CALHM6: variants seen among roughly 807,000 people sequenced by gnomAD.
CALHM6 encodes the protein calcium homeostasis modulator protein 6.
A neutral mutation model predicts 12.7 loss-of-function variants in CALHM6; 15 were observed. The ratio of observed to expected loss-of-function variants is 1.18; its 90% CI spans 0.79 to 1.82. CALHM6 has a LOEUF of 1.82. CALHM6 is among the 40% of genes most tolerant of loss of function. CALHM6 has a pLI of 0.00. For synonymous variants in CALHM6, 212 were observed against 193.7 expected, an observed-to-expected ratio of 1.09 and a Z score of -0.78; for missense variants, 434 against 421.0, an observed-to-expected ratio of 1.03 and a Z score of -0.27.
rs766910203 is a variant in CALHM6 at position 116,462,354 on chromosome 6, G to A, written c.425G>A (p.Arg142His). 4.8e-6 allele frequency: 7 copies of A among 1,450,430 alleles called. No homozygotes were observed. Among genetic ancestry groups the A allele is most frequent in the Admixed American group, 2.7e-5 (1 of 36,804 alleles). 89.8% of individuals were successfully genotyped at this position (1,450,430 alleles called of 1,614,324 possible). The change falls in exon 2 of 3, where the codon CGC becomes CAC. Residue 142 changes from arginine (R) to histidine (H), a missense_variant. Coordinates refer to ENST00000368605, the MANE Select transcript of CALHM6 (RefSeq NM_001010919.3). Reference protein sequence around the residue: ...AAFAQRLCLGRNRSCAAELPL... With the variant: ...AAFAQRLCLGHNRSCAAELPL... ...TTCGCGCAGCGCCTGTGCCTCGGCC[G>A]CAACCGCAGCTGCGCCGCGGAGCTG...
chr6:116,462,388 G>GCCGTGCA lies in CALHM6; in HGVS notation c.460_466dup (p.Asn156ThrfsTer50). ...GCTGCGCCGCGGAGCTGCCGCTGGT[G>GCCGTGCA]CCGTGCAACCAGGCCAAGGCGTCGG... is the stretch of plus-strand genomic sequence containing the variant. On this transcript the variant is annotated frameshift_variant, in exon 2 of 3. Transcript: ENST00000368605. LOFTEE classifies it high-confidence loss of function. The GCCGTGCA allele has an allele frequency of 6.8e-7, 1 of 1,471,552 alleles. No individual in the cohort carries two copies. Among genetic ancestry groups the GCCGTGCA allele is most frequent in the Non-Finnish European group, 9.0e-7 (1 of 1,114,082 alleles). 91.2% of individuals were successfully genotyped at this position (1,471,552 alleles called of 1,614,324 possible).
rs1382417985 is a variant in CALHM6, at chr6:116,461,384, G to A, written c.-104G>A. The A allele has an allele frequency of 6.5e-7, 1 of 1,549,410 alleles. No homozygotes were observed. The highest frequency in any genetic ancestry group is 2.0e-5 in the Admixed American group (1 of 50,996). Reference sequence around the variant, plus strand: ...ACTTGAGCTGGACTTTGCTGATTTAGCTTATGGAAGAGGAACCAGAAATTT... The same window carrying A: ...ACTTGAGCTGGACTTTGCTGATTTAACTTATGGAAGAGGAACCAGAAATTT... On this transcript the variant is annotated 5_prime_UTR_variant, in exon 1 of 3. Transcript: ENST00000368605.
rs775332858 is a variant in CALHM6 at position 116,461,944 on chromosome 6, GGCGGTGCTGGACCTGC to G, written c.16_31del (p.Ala6ThrfsTer13). On this transcript the variant is annotated frameshift_variant, in exon 2 of 3. Transcript: ENST00000368605. LOFTEE classifies it high-confidence loss of function. Reference sequence around the variant, plus strand: ...GGACGAGGCTCATGGAGAAGTTTCGGGCGGTGCTGGACCTGCACGTCAAGCACCACAGCGCCTTGGG... The same window carrying G: ...GGACGAGGCTCATGGAGAAGTTTCGGACGTCAAGCACCACAGCGCCTTGGG... The G allele has an allele frequency of 6.3e-5, 95 of 1,518,524 alleles. 1 individual carries two copies. The highest frequency in any genetic ancestry group is 2.7e-6 in the Non-Finnish European group (3 of 1,126,732). 94.1% of individuals were successfully genotyped at this position (1,518,524 alleles called of 1,614,324 possible).
rs201709497 is a variant in CALHM6 at position 116,463,727 on chromosome 6, A to G, written c.*22A>G. ...ATGACCTTTTGAATGAGTAGAAAAA[A>G]AAATTGTTTTGAATTATTGCTTTAT... On this transcript the variant is annotated 3_prime_UTR_variant, in exon 3 of 3. Coordinates refer to ENST00000368605, the MANE Select transcript of CALHM6 (RefSeq NM_001010919.3). The G allele has an allele frequency of 1.2e-4, 172 of 1,482,478 alleles. No homozygotes were observed. Among genetic ancestry groups the G allele is most frequent in the Middle Eastern group, 7.2e-4 (4 of 5,566 alleles). 91.8% of individuals were successfully genotyped at this position (1,482,478 alleles called of 1,614,324 possible).
At chr6:116,461,543 G>C (rs1186906520) in intron 1 of CALHM6, 114 bp downstream of exon 1, 1 of 1,028,340 alleles carries the variant, frequency 9.7e-7, no homozygotes, top group Non-Finnish European at 1.5e-6. Context: ...ACTGGCGGCC[G>C]TGGGTCAAGA....
intron 2 of CALHM6, 38 bp from the exon 3 acceptor site, chr6:116,463,245 C>G (rs1339100826): frequency 6.5e-7 from 1 of 1,540,772 alleles, no homozygotes; most frequent in South Asian, 1.2e-5. Context: ...TGTAAAAAAC[C>G]AAGTAACTAA....
At position 116,463,450 on chromosome 6, in the gene CALHM6, A is replaced by G; in HGVS notation, c.693A>G (p.Glu231=). 1.2e-6 allele frequency: 2 copies of G among 1,614,196 alleles called. No homozygotes were observed. Among genetic ancestry groups the G allele is most frequent in the South Asian group, 1.1e-5 (1 of 91,090 alleles). The change falls in exon 3 of 3, where the codon GAA becomes GAG. Residue 231 remains glutamate, a synonymous_variant. Coordinates refer to ENST00000368605, the MANE Select transcript of CALHM6 (RefSeq NM_001010919.3). ...LKSKATEHAT[E]LAKENIKCFF... is the part of the protein sequence containing the mutation. ...GTAAAGCCACAGAGCATGCAACTGA[A>G]TTGGCAAAAGAGAATATTAAATGTT...
chr6:116,461,446 T>G lies in CALHM6; in HGVS notation c.-59+17T>G, dbSNP rs556599927. On this transcript the variant is annotated intron_variant, in intron 1 of 2. Coordinates refer to ENST00000368605, the MANE Select transcript of CALHM6 (RefSeq NM_001010919.3). Reference sequence around the variant, plus strand: ...ATGTTTCCCGTAAGTAATCAGTTTTTTGATAATTATTTGGTTTTACTGTGA... The same window carrying G: ...ATGTTTCCCGTAAGTAATCAGTTTTGTGATAATTATTTGGTTTTACTGTGA... The G allele has an allele frequency of 3.3e-4, 505 of 1,549,632 alleles. 10 individuals carry two copies. The South Asian group carries it at 5.7e-3, about 17-fold the overall frequency.
At chr6:116,463,194 G>T in intron 2 of CALHM6, 89 bp from the exon 3 acceptor site, 1 of 1,260,936 alleles carries the variant, frequency 7.9e-7, no homozygotes, top group Non-Finnish European at 1.1e-6. Flanking sequence ...CATCATAACT[G>T]GCGAGTAGTT....
intron 2 of CALHM6, 96 bp from the exon 3 acceptor site, chr6:116,463,187 C>G: frequency 8.2e-7 from 1 of 1,214,018 alleles, no homozygotes; most frequent in South Asian, 1.5e-5. Context: ...TGTTCATCAT[C>G]ATAACTGGCG....
At chr6:116,462,941 A>G (rs573759824) in intron 2 of CALHM6, among the ~76,000 whole-genome samples, 42 of 152,360 alleles carry the variant, frequency 2.8e-4, no homozygotes, top group African/African-American at 9.9e-4. Context: ...CTGGCTCTAA[A>G]GCCACCACTG....
rs1784793105 is a variant in CALHM6 at position 116,462,322 on chromosome 6, C to T, written c.393C>T (p.Ser131=). The T allele has an allele frequency of 7.0e-7, 1 of 1,435,566 alleles. No homozygotes were observed. The highest frequency in any genetic ancestry group is 1.4e-5 in the South Asian group (1 of 70,844). 88.9% of individuals were successfully genotyped at this position (1,435,566 alleles called of 1,614,324 possible). A position where few individuals can be genotyped will look rare whatever the true frequency, so the allele number is the denominator to read the frequency against. Reference sequence around the variant, plus strand: ...TTTACGAGTGCGCGGCCACCGGGAGCGCGGCCTTCGCGCAGCGCCTGTGCC... The same window carrying T: ...TTTACGAGTGCGCGGCCACCGGGAGTGCGGCCTTCGCGCAGCGCCTGTGCC... ...GAFYECAATG[S]AAFAQRLCLG... The change falls in exon 2 of 3, where the codon AGC becomes AGT. Residue 131 remains serine, a synonymous_variant. Transcript: ENST00000368605.
chr6:116,462,302 G>T lies in CALHM6; in HGVS notation c.373G>T (p.Glu125Ter), dbSNP rs760961107. ...GGCGCTGCTCGGGGGCGCCTTTTAC[G>T]AGTGCGCGGCCACCGGGAGCGCGGC... ...AVALLGGAFY[E>*]CAATGSAAFA... Residue 125 changes from glutamate (E) to a stop codon, truncating the protein, a stop_gained, in exon 2 of 3, where the codon GAG becomes TAG. Transcript: ENST00000368605. LOFTEE classifies it high-confidence loss of function. 2 of 1,426,108 alleles carry T rather than the reference G, an allele frequency of 1.4e-6. No homozygotes were observed. The highest frequency in any genetic ancestry group is 1.5e-5 in the African/African-American group (1 of 66,830). 88.3% of individuals were successfully genotyped at this position (1,426,108 alleles called of 1,614,324 possible). A position where few individuals can be genotyped will look rare whatever the true frequency, so the allele number is the denominator to read the frequency against.
chr6:116,462,508 C>G, intron 2 of CALHM6, 54 bp downstream of exon 2: 1 of 1,341,152 alleles, frequency 7.5e-7, no homozygotes, highest in Non-Finnish European at 1.0e-6. Context: ...CGAGCTTTCT[C>G]AGGGCCGCTG....
Position 116,463,728 on chromosome 6 carries a change from A to G in CALHM6, c.*23A>G, listed in dbSNP as rs746998400. The G allele has an allele frequency of 2.0e-6, 3 of 1,481,058 alleles. No individual in the cohort carries two copies. In the African/African-American group the frequency reaches 4.2e-5, roughly 21 times the overall value. The allele number at this position is 1,481,058 out of a possible 1,614,324, so 91.7% of individuals were successfully genotyped here. ...TGACCTTTTGAATGAGTAGAAAAAA[A>G]AATTGTTTTGAATTATTGCTTTATT... On this transcript the variant is annotated 3_prime_UTR_variant, in exon 3 of 3. Transcript: ENST00000368605.
chr6:116,461,433 A>T lies in CALHM6; in HGVS notation c.-59+4A>T. The T allele has an allele frequency of 6.4e-7, 1 of 1,550,414 alleles. No individual in the cohort carries two copies. The highest frequency in any genetic ancestry group is 8.7e-7 in the Non-Finnish European group (1 of 1,146,820). On this transcript the variant is annotated splice_donor_region_variant and intron_variant, in intron 1 of 2. Coordinates refer to ENST00000368605, the MANE Select transcript of CALHM6 (RefSeq NM_001010919.3). ...TTGTCCTTGAATAATGTTTCCCGTA[A>T]GTAATCAGTTTTTTGATAATTATTT...
In CALHM6 at chr6:116,463,490, C is replaced by A; in HGVS notation, c.733C>A (p.His245Asn). ...TATTAAATGTTTCTTTGAGGGCTCGCATCCAAAAGAATATAACACTCCAAG... is the reference window on the plus strand; with the variant it reads ...TATTAAATGTTTCTTTGAGGGCTCGAATCCAAAAGAATATAACACTCCAAG... ...ENIKCFFEGS[H>N]PKEYNTPSMK... The change falls in exon 3 of 3, where the codon CAT becomes AAT. Residue 245 changes from histidine (H) to asparagine (N), a missense_variant. Coordinates refer to ENST00000368605, the MANE Select transcript of CALHM6 (RefSeq NM_001010919.3). 1 of 1,614,148 alleles carries A rather than the reference C, an allele frequency of 6.2e-7. No homozygotes were observed. The highest frequency in any genetic ancestry group is 8.5e-7 in the Non-Finnish European group (1 of 1,180,022).
Position 116,463,707 on chromosome 6 carries a change from C to T in CALHM6, c.*2C>T. On this transcript the variant is annotated 3_prime_UTR_variant, in exon 3 of 3. Transcript: ENST00000368605. ...ATAAACAGCACTCCTGAGTTATGAC[C>T]TTTTGAATGAGTAGAAAAAAAAATT... is the stretch of plus-strand genomic sequence containing the variant. 2 of 1,511,674 alleles carry T rather than the reference C, an allele frequency of 1.3e-6. No homozygotes were observed. The highest frequency in any genetic ancestry group is 1.8e-6 in the Non-Finnish European group (2 of 1,128,544). 93.6% of individuals were successfully genotyped at this position (1,511,674 alleles called of 1,614,324 possible).
In CALHM6 at chr6:116,463,686, A is replaced by G. The variant is rs1470278677; in HGVS notation, c.929A>G (p.Asn310Ser). 1 of 1,603,180 alleles carries G rather than the reference A, an allele frequency of 6.2e-7. No homozygotes were observed. The highest frequency in any genetic ancestry group is 1.7e-5 in the Admixed American group (1 of 58,136). The change falls in exon 3 of 3, where the codon AAC (asparagine) becomes AGC (serine). Residue 310 changes from asparagine (N) to serine (S), a missense_variant. By Grantham distance (46) the Asn-to-Ser change is conservative (BLOSUM62 1). Transcript: ENST00000368605. Reference protein sequence around the residue: ...VLGFVDSSGINSTPEL With the variant: ...VLGFVDSSGISSTPEL ...GGCTTTGTAGATTCATCTGGTATAA[A>G]CAGCACTCCTGAGTTATGACCTTTT...
Sources: gnomAD v4.1 joint callset for allele counts (sites outside exome capture counted in the v4.1 genomes callset) on GRCh38, gnomAD v4.1.1 for gene constraint, MANE v1.5 for transcripts, NCBI Gene and HGNC (gene_info 2026-07-23, HGNC 2026-07-21) for gene names.